Variants in ETNK1 observed in about 807,000 individuals in gnomAD.
ETNK1 encodes ethanolamine kinase 1.
ETNK1 carries 8 observed loss-of-function variants against 45.1 expected under a neutral mutation model. That is an observed-to-expected ratio of 0.18 (90% confidence interval 0.10 to 0.32). The LOEUF (loss-of-function observed/expected upper bound fraction) is 0.32, where lower values mean the gene tolerates loss of function less well. ETNK1 is among the 10% of genes least tolerant of loss of function. ETNK1 has a pLI of 1.00. For missense variants in ETNK1, 302 were observed against 430.6 expected (o/e 0.70, Z 2.64); for synonymous variants, 152 against 151.9 (o/e 1.00, Z -0.01).
chr12:22,670,282 C>T (rs1565447030), intron 4 of ETNK1, among the ~76,000 whole-genome samples: 2 of 151,978 alleles, frequency 1.3e-5, no homozygotes, highest in Non-Finnish European at 2.9e-5. Context: ...TTCTTACAGC[C>T]ATCTCTGTTC....
At chr12:22,630,697 G>A (rs1455315266) in intron 1 of ETNK1, among the ~76,000 whole-genome samples, 2 of 151,936 alleles carry the variant, frequency 1.3e-5, no homozygotes, top group East Asian at 1.9e-4. Flanking sequence ...TGCAACCTCC[G>A]TTTCCCAGGT....
intron 2 of ETNK1, among the ~76,000 whole-genome samples, chr12:22,656,260 T>C (rs1014521701): frequency 6.6e-6 from 1 of 152,232 alleles, no homozygotes; most frequent in Non-Finnish European, 1.5e-5. Context: ...TCTTGAAATA[T>C]ATATTTGCTC....
In ETNK1 at chr12:22,689,872, A is replaced by T. The variant is rs567704431; in HGVS notation, c.*4918A>T. ...TTTATCTGTACTAAATTGACTATAA[A>T]TTGAGTCTGCAAAGAGGAAACTTTT... On this transcript the variant is annotated 3_prime_UTR_variant, in exon 8 of 8. Coordinates refer to ENST00000266517, the MANE Select transcript of ETNK1 (RefSeq NM_018638.5). The T allele has an allele frequency of 3.9e-5, 6 of 152,250 alleles. No individual in the cohort carries two copies. The highest frequency in any genetic ancestry group is 7.4e-5 in the Non-Finnish European group (5 of 67,868). The allele number at this position is 152,250 out of a possible 1,614,324, so 9.4% of individuals were successfully genotyped here. A position where few individuals can be genotyped will look rare whatever the true frequency, so the allele number is the denominator to read the frequency against.
At chr12:22,658,196 T>TCA (rs1244034771) in intron 2 of ETNK1, among the ~76,000 whole-genome samples, 1 of 151,842 alleles carries the variant, frequency 6.6e-6, no homozygotes, top group African/African-American at 2.4e-5. Flanking sequence ...ACAGAGAAGT[T>TCA]CACATGGGAG....
At chr12:22,668,225 A>G (rs1249669835) in intron 4 of ETNK1, among the ~76,000 whole-genome samples, 2 of 152,214 alleles carry the variant, frequency 1.3e-5, no homozygotes, top group Non-Finnish European at 2.9e-5. Flanking sequence ...CCAATTAAAA[A>G]TTCATGTCTT....
At position 22,625,239 on chromosome 12, in the gene ETNK1, G is replaced by A; in HGVS notation, c.-192G>A. The A allele has an allele frequency of 6.2e-7, 1 of 1,612,030 alleles. No individual in the cohort carries two copies. The highest frequency in any genetic ancestry group is 8.5e-7 in the Non-Finnish European group (1 of 1,179,568). ...AGAGCGGGCCGGGCTCAGTTCAGCT[G>A]CTGTCCAGACCCGGATCGGCAACAG... On this transcript the variant is annotated 5_prime_UTR_variant, in exon 1 of 8. Coordinates refer to ENST00000266517, the MANE Select transcript of ETNK1 (RefSeq NM_018638.5).
chr12:22,672,300 G>A (rs1954116983), intron 5 of ETNK1, among the ~76,000 whole-genome samples: 1 of 151,986 alleles, frequency 6.6e-6, no homozygotes, highest in Non-Finnish European at 1.5e-5. Context: ...AAAAACTAAA[G>A]ATTAGAACAT....
At position 22,625,709 on chromosome 12, in the gene ETNK1, A is replaced by T; in HGVS notation, c.156+123A>T. On this transcript the variant is annotated intron_variant, in intron 1 of 7. Transcript: ENST00000266517. ...CCTAGGGCAACATCTCCTTAAGTCT[A>T]TTGGGAAGTGACCCTGTATTTCCCC... is the stretch of plus-strand genomic sequence containing the variant. The T allele has an allele frequency of 3.6e-6, 5 of 1,375,258 alleles. No homozygotes were observed. In the South Asian group the frequency reaches 5.0e-5, roughly 14 times the overall value. 85.2% of individuals were successfully genotyped at this position (1,375,258 alleles called of 1,614,324 possible). A position where few individuals can be genotyped will look rare whatever the true frequency, so the allele number is the denominator to read the frequency against.
At chr12:22,672,814 G>C (rs1056727327) in intron 5 of ETNK1, among the ~76,000 whole-genome samples, 2 of 152,158 alleles carry the variant, frequency 1.3e-5, no homozygotes, top group African/African-American at 2.4e-5. Flanking sequence ...AAAGAACCTT[G>C]GATGGCAAGA....
intron 6 of ETNK1, 84 bp downstream of exon 6, chr12:22,673,744 C>T: frequency 7.5e-7 from 1 of 1,324,824 alleles, no homozygotes; most frequent in Non-Finnish European, 1.0e-6. Flanking sequence ...AGACAATTTC[C>T]TATTTTAAGT....
intron 2 of ETNK1, among the ~76,000 whole-genome samples, chr12:22,650,925 A>G (rs995561523): frequency 6.6e-6 from 1 of 152,236 alleles, no homozygotes; most frequent in Non-Finnish European, 1.5e-5. Flanking sequence ...TAAATGCTAC[A>G]TAAAATTTAC....
chr12:22,690,251 G>T lies in ETNK1; in HGVS notation c.*5297G>T, dbSNP rs1322498338. On this transcript the variant is annotated 3_prime_UTR_variant, in exon 8 of 8. Transcript: ENST00000266517. ...TAAATGAATGCAACTTTTGATGTAG[G>T]TGTTTTGCTATGCCTCAGAAAATAT... 2 of 152,452 alleles carry T rather than the reference G, an allele frequency of 1.3e-5. No homozygotes were observed. The highest frequency in any genetic ancestry group is 2.4e-5 in the African/African-American group (1 of 41,424). The allele number at this position is 152,452 out of a possible 1,614,324, so 9.4% of individuals were successfully genotyped here.
intron 1 of ETNK1, among the ~76,000 whole-genome samples, chr12:22,642,949 C>T (rs576718557): frequency 2.0e-5 from 3 of 151,916 alleles, no homozygotes; most frequent in South Asian, 4.2e-4. Context: ...TGAAATACAC[C>T]GTCTGTGCTC....
intron 5 of ETNK1, 78 bp downstream of exon 5, chr12:22,671,433 A>G (rs916194043): frequency 1.1e-6 from 1 of 949,312 alleles, no homozygotes. Context: ...AAGTAGATAA[A>G]CCGTGAGCAG....
At chr12:22,650,870 A>C (rs1043678684) in intron 2 of ETNK1, among the ~76,000 whole-genome samples, 3 of 152,160 alleles carry the variant, frequency 2.0e-5, no homozygotes, top group Non-Finnish European at 2.9e-5. Context: ...TTAGTTAATA[A>C]AAATTTGATT....
intron 1 of ETNK1, among the ~76,000 whole-genome samples, chr12:22,628,577 G>T (rs1953534910): frequency 6.6e-6 from 1 of 152,022 alleles, no homozygotes; most frequent in Non-Finnish European, 1.5e-5. Context: ...AAGGAATAAA[G>T]AATCAAGTCA....
At chr12:22,631,877 G>A (rs1483288996) in intron 1 of ETNK1, among the ~76,000 whole-genome samples, 1 of 151,906 alleles carries the variant, frequency 6.6e-6, no homozygotes, top group East Asian at 1.9e-4. Flanking sequence ...ATACCAGATT[G>A]GCTATAAATA....
chr12:22,656,479 C>T, intron 2 of ETNK1: 1 of 985,236 alleles, frequency 1.0e-6, no homozygotes, highest in African/African-American at 1.7e-5. Context: ...GTTTGGAAAA[C>T]ATTTCCAAAT....
intron 2 of ETNK1, among the ~76,000 whole-genome samples, chr12:22,658,439 A>T (rs189055346): frequency 6.6e-6 from 1 of 152,306 alleles, no homozygotes; most frequent in Admixed American, 6.5e-5. Flanking sequence ...TCAAAGGTGC[A>T]AACATAGGGT....
Sources: allele counts gnomAD v4.1 joint callset (sites outside exome capture counted in the v4.1 genomes callset), GRCh38; gene constraint gnomAD v4.1.1; transcripts MANE v1.5; gene names NCBI Gene and HGNC (gene_info 2026-07-23, HGNC 2026-07-21).